EIF4G3: variants seen among roughly 807,000 people sequenced by gnomAD.
EIF4G3 encodes eukaryotic translation initiation factor 4 gamma 3, also known as eIF-4-gamma 3.
Under a neutral mutation model 186.4 loss-of-function variants are expected in EIF4G3, and 34 were observed. The ratio of observed to expected loss-of-function variants is 0.18; its 90% CI spans 0.14 to 0.24. The LOEUF is 0.24. Ranked by LOEUF, EIF4G3 falls within the 10% of genes least tolerant of loss-of-function variation. EIF4G3 has a pLI of 1.00. For synonymous variants in EIF4G3, 673 were observed against 679.5 expected, an observed-to-expected ratio of 0.99 and a Z score of 0.15; for missense variants, 1,536 against 1,948.5, an observed-to-expected ratio of 0.79 and a Z score of 3.99.
rs1241728251 is a variant in EIF4G3 at position 21,098,320 on chromosome 1, C to T, written c.-271-9107G>A. Among the ~76,000 whole-genome samples, 3 of 151,684 alleles carry T rather than the reference C, an allele frequency of 2.0e-5. No homozygotes were observed. The East Asian group carries it at 5.8e-4, about 29-fold the overall frequency. ...ACTTTAGGAGGCTGAGGTGGGTGAA[C>T]TGCTTGAGTCCAGGAGTTCAGGACT... On this transcript the variant is annotated intron_variant, in intron 2 of 36. Transcript: ENST00000602326.
chr1:20,816,429 G>A (rs1327980564), intron 34 of EIF4G3, among the ~76,000 whole-genome samples: 1 of 115,736 alleles, frequency 8.6e-6, no homozygotes, highest in African/African-American at 3.3e-5. Context: ...GCCTCTGCCC[G>A]GCCGCCCCTA....
At chr1:21,098,621 C>A (rs1252001800) in intron 2 of EIF4G3, among the ~76,000 whole-genome samples, 4 of 150,194 alleles carry the variant, frequency 2.7e-5, no homozygotes, top group Non-Finnish European at 5.9e-5. Context: ...AACAAACAAC[C>A]TAATATTTTT....
At chr1:20,838,764 T>C (rs2067524732) in intron 30 of EIF4G3, among the ~76,000 whole-genome samples, 1 of 152,156 alleles carries the variant, frequency 6.6e-6, no homozygotes, top group South Asian at 2.1e-4. Flanking sequence ...TACTGCAGTC[T>C]GGACCTCCCA....
At chr1:20,866,297 T>A (rs2077549772) in intron 20 of EIF4G3, among the ~76,000 whole-genome samples, 2 of 152,182 alleles carry the variant, frequency 1.3e-5, no homozygotes, top group Admixed American at 1.3e-4. Context: ...CTGACGATGA[T>A]GATGCTAGAA....
chr1:20,899,024 C>T (rs1043920750), intron 16 of EIF4G3, among the ~76,000 whole-genome samples: 7 of 152,198 alleles, frequency 4.6e-5, no homozygotes, highest in Non-Finnish European at 8.8e-5. Context: ...GCCACCGCAC[C>T]CAGCCCAAAC....
intron 33 of EIF4G3, among the ~76,000 whole-genome samples, chr1:20,824,720 C>T (rs997861592): frequency 5.3e-5 from 8 of 152,166 alleles, no homozygotes; most frequent in African/African-American, 1.7e-4. Flanking sequence ...TGTCTCTAAT[C>T]TTCTACCTTA....
rs375102099 is a variant in EIF4G3, at chr1:20,844,284, T to C, written c.3889-3256A>G. 3.3e-5 allele frequency among the ~76,000 whole-genome samples: 5 copies of C among 152,180 alleles called. No homozygotes were observed. In the East Asian group the frequency reaches 5.8e-4, roughly 18 times the overall value. On this transcript the variant is annotated intron_variant, in intron 29 of 36. Transcript: ENST00000602326. ...CCTCCAACAGTGTAAAAGTGTTCCT[T>C]TTTCTCCACAACCTCGCCAACACCT...
At chr1:20,922,367 T>A (rs1365607979) in intron 14 of EIF4G3, among the ~76,000 whole-genome samples, 1 of 152,168 alleles carries the variant, frequency 6.6e-6, no homozygotes, top group Non-Finnish European at 1.5e-5. Context: ...TACAGTGGCG[T>A]GATCTCCGCC....
chr1:21,115,199 T>C (rs771331813), intron 2 of EIF4G3, among the ~76,000 whole-genome samples: 8 of 152,194 alleles, frequency 5.3e-5, no homozygotes, highest in African/African-American at 1.7e-4. Flanking sequence ...TAATCATTTC[T>C]AGCTATTGTA....
In EIF4G3 at chr1:20,865,282, T is replaced by TA; in HGVS notation, c.2623-21dup. ...TTTCAGCTACATCCAGACAGGAAAA[T>TA]AAAAAAAATCAACAAGATTACTTAA... On this transcript the variant is annotated intron_variant, in intron 20 of 36. Coordinates refer to ENST00000602326, the MANE Select transcript of EIF4G3 (RefSeq NM_001391906.1). 8.7e-6 allele frequency: 14 copies of TA among 1,602,618 alleles called. No individual in the cohort carries two copies. The highest frequency in any genetic ancestry group is 4.5e-5 in the South Asian group (4 of 88,692).
At chr1:20,984,149 T>C (rs2078893918) in intron 7 of EIF4G3, among the ~76,000 whole-genome samples, 1 of 152,148 alleles carries the variant, frequency 6.6e-6, no homozygotes, top group Non-Finnish European at 1.5e-5. Flanking sequence ...TATGTAGTTA[T>C]ATTGATATAC....
chr1:20,836,037 T>G (rs1343615242), intron 30 of EIF4G3, among the ~76,000 whole-genome samples: 1 of 152,082 alleles, frequency 6.6e-6, no homozygotes, highest in African/African-American at 2.4e-5. Context: ...TCCAAAAAAT[T>G]GAAGTGGAGA....
intron 2 of EIF4G3, among the ~76,000 whole-genome samples, chr1:21,129,189 C>T (rs1395032657): frequency 6.6e-6 from 1 of 152,020 alleles, no homozygotes; most frequent in Non-Finnish European, 1.5e-5. Context: ...GTGGCGGGTG[C>T]CTGTAATCCC....
chr1:20,836,359 C>T (rs1025831241), intron 30 of EIF4G3, among the ~76,000 whole-genome samples: 4 of 152,168 alleles, frequency 2.6e-5, no homozygotes, highest in African/African-American at 9.7e-5. Flanking sequence ...CTTCCTGCCT[C>T]AGCCTCCCAA....
At chr1:21,141,964 C>A (rs544221800) in intron 2 of EIF4G3, among the ~76,000 whole-genome samples, 2 of 151,968 alleles carry the variant, frequency 1.3e-5, no homozygotes, top group African/African-American at 4.8e-5. Flanking sequence ...CTAATCAGTA[C>A]CACCCAAAGA....
At chr1:21,024,598 C>T (rs1318859831) in intron 4 of EIF4G3, among the ~76,000 whole-genome samples, 1 of 149,804 alleles carries the variant, frequency 6.7e-6, no homozygotes, top group Non-Finnish European at 1.5e-5. Flanking sequence ...TACCCCCAAC[C>T]CTGTGCTCTC....
In EIF4G3 at chr1:21,051,143, A is replaced by T. The variant is rs117383195; in HGVS notation, c.-195-149T>A. The T allele has an allele frequency of 4.3e-3, 2,410 of 564,168 alleles. 34 individuals are homozygous for T. Among genetic ancestry groups the T allele is most frequent in the East Asian group, 0.026 (813 of 31,686 alleles). 34.9% of individuals were successfully genotyped at this position (564,168 alleles called of 1,614,324 possible). ...GACTGAACAAACACTTAAAATTTTT[A>T]AAATTGAAAAAAACAGAATTCTTTA... On this transcript the variant is annotated intron_variant, in intron 3 of 36. Transcript: ENST00000602326.
Position 21,003,209 on chromosome 1 carries a change from T to C in EIF4G3, c.-66-401A>G, listed in dbSNP as rs1458506811. On this transcript the variant is annotated intron_variant, in intron 4 of 36. Coordinates refer to ENST00000602326, the MANE Select transcript of EIF4G3 (RefSeq NM_001391906.1). ...TTTTTTCAGAGACAGGGTCTCACTT[T>C]GTTGCCCAGGCTGGGCTCAAACTCC... Among the ~76,000 whole-genome samples the C allele has an allele frequency of 7.3e-5, 11 of 151,342 alleles. No homozygotes were observed. The South Asian group carries it at 1.7e-3, about 23-fold the overall frequency.
rs2154565498 is a variant in EIF4G3, at chr1:20,969,570, T to A, written c.618A>T (p.Gly206=). Residue 206 remains glycine (G), a synonymous_variant, in exon 12 of 37, where the codon GGA becomes GGT. Transcript: ENST00000602326. Reference sequence around the variant, plus strand: ...TAATCTCCTCTGTTATGTCTTTACCTCCCTGGTTTGGATCCCGAATTCTTA... The same window carrying A: ...TAATCTCCTCTGTTATGTCTTTACCACCCTGGTTTGGATCCCGAATTCTTA... ...KTIRIRDPNQ[G]GKDITEEIMS... 6.2e-7 allele frequency: 1 copy of A among 1,613,738 alleles called. No individual in the cohort carries two copies. Among genetic ancestry groups the A allele is most frequent in the East Asian group, 2.2e-5 (1 of 44,846 alleles).
Sources: gnomAD v4.1 joint callset for allele counts (sites outside exome capture counted in the v4.1 genomes callset) on GRCh38, gnomAD v4.1.1 for gene constraint, MANE v1.5 for transcripts, NCBI Gene and HGNC (gene_info 2026-07-23, HGNC 2026-07-21) for gene names.